SV2C: variants seen among roughly 807,000 people sequenced by gnomAD.
The protein encoded by SV2C is solute carrier family 22 member B3.
Under a neutral mutation model 79.7 loss-of-function variants are expected in SV2C, and 49 were observed. That is an observed-to-expected ratio of 0.61 (90% CI 0.49 to 0.78). The LOEUF (loss-of-function observed/expected upper bound fraction) is 0.78. Among genes scored for constraint, SV2C ranks in the 30% least tolerant of loss-of-function variants. SV2C has a pLI of 0.00. For missense variants in SV2C, 833 were observed against 912.9 expected, an observed-to-expected ratio of 0.91 and a Z score of 1.13; for synonymous variants, 334 against 333.2, an observed-to-expected ratio of 1.00 and a Z score of -0.03.
At chr5:76,142,635 T>A (rs1004552201) in intron 2 of SV2C, among the ~76,000 whole-genome samples, 1 of 152,228 alleles carries the variant, frequency 6.6e-6, no homozygotes, top group African/African-American at 2.4e-5. Context: ...CTCCAATTAA[T>A]GTCATTATTA....
chr5:76,150,639 T>C (rs1477629127), intron 2 of SV2C, among the ~76,000 whole-genome samples: 1 of 126,472 alleles, frequency 7.9e-6, no homozygotes, highest in East Asian at 2.3e-4. Flanking sequence ...TTTTTTTTTT[T>C]TTTTTTTTTT....
chr5:76,223,472 T>C lies in SV2C; in HGVS notation c.913+13585T>C, dbSNP rs1420064067. On this transcript the variant is annotated intron_variant, in intron 4 of 12. Transcript: ENST00000502798. Reference sequence around the variant, plus strand: ...ATATATATATATATATATATATATATATATATATATATATATATATATATG... The same window carrying C: ...ATATATATATATATATATATATATACATATATATATATATATATATATATG... 4.0e-4 allele frequency among the ~76,000 whole-genome samples: 29 copies of C among 71,852 alleles called. 1 individual carries two copies. The East Asian group carries it at 5.9e-3, about 15-fold the overall frequency. The allele number at this position is 71,852 out of a possible 152,430, so 47.1% of individuals were successfully genotyped here.
At chr5:75,911,310 G>A in the SV2C span, 1 of 1,385,440 alleles carries the variant, frequency 7.2e-7, no homozygotes, top group Non-Finnish European at 1.0e-6. Context: ...CTTCAGGGCA[G>A]CCTTCATCAT....
the SV2C span, among the ~76,000 whole-genome samples, chr5:76,041,972 C>G: frequency 6.6e-6 from 1 of 152,138 alleles, no homozygotes; most frequent in Non-Finnish European, 1.5e-5. Flanking sequence ...GCCTTCTCAC[C>G]CACAGCAGCT....
intron 1 of SV2C, among the ~76,000 whole-genome samples, chr5:76,096,576 C>T (rs1403297578): frequency 6.6e-6 from 1 of 152,046 alleles, no homozygotes; most frequent in African/African-American, 2.4e-5. Flanking sequence ...ATGTTTTCTG[C>T]GTGGAGGTGG....
the SV2C span, among the ~76,000 whole-genome samples, chr5:75,903,146 C>T: frequency 0.11 from 16,819 of 152,136 alleles, 990 homozygotes; most frequent in East Asian, 0.16. Context: ...ACTTGTCTCT[C>T]TTATTCCAGG....
At chr5:76,087,300 T>A (rs1341270467) in intron 1 of SV2C, among the ~76,000 whole-genome samples, 2 of 152,262 alleles carry the variant, frequency 1.3e-5, no homozygotes, top group Admixed American at 6.5e-5. Flanking sequence ...TCACCTAATG[T>A]GCGTTATGCT....
chr5:76,335,667 T>A (rs1328992967), downstream of SV2C, among the ~76,000 whole-genome samples: 1 of 152,110 alleles, frequency 6.6e-6, no homozygotes, highest in East Asian at 1.9e-4. Flanking sequence ...ACAAAGCACA[T>A]CTTGCACCAC....
the SV2C span, among the ~76,000 whole-genome samples, chr5:75,998,013 A>T: frequency 6.6e-6 from 1 of 152,100 alleles, no homozygotes; most frequent in Non-Finnish European, 1.5e-5. Flanking sequence ...ATGCAGCCAT[A>T]AAAAAGGATG....
the SV2C span, among the ~76,000 whole-genome samples, chr5:76,009,968 T>A: frequency 9.7e-3 from 1,456 of 150,380 alleles, 11 homozygotes; most frequent in Non-Finnish European, 0.017. Flanking sequence ...TCTCATGTCA[T>A]GTAAACTTTA....
chr5:75,975,450 T>C, the SV2C span, among the ~76,000 whole-genome samples: 1 of 152,182 alleles, frequency 6.6e-6, no homozygotes, highest in South Asian at 2.1e-4. Flanking sequence ...TTCCAATTCA[T>C]GTAGGAATTT....
At chr5:76,244,452 C>A (rs556032245) in intron 4 of SV2C, among the ~76,000 whole-genome samples, 55 of 152,224 alleles carry the variant, frequency 3.6e-4, no homozygotes, top group African/African-American at 1.3e-3. Flanking sequence ...TTCTAGTAAC[C>A]ACATCAAACA....
the SV2C span, chr5:75,921,644 T>A: frequency 2.5e-6 from 2 of 784,974 alleles, no homozygotes; most frequent in Non-Finnish European, 4.3e-6. Flanking sequence ...CCTGTCCCAC[T>A]GGCCAATGCG....
intron 2 of SV2C, among the ~76,000 whole-genome samples, chr5:76,134,771 TTATC>T (rs1328234285): frequency 1.3e-5 from 2 of 152,228 alleles, no homozygotes; most frequent in African/African-American, 4.8e-5. Flanking sequence ...AAATATTTAA[TTATC>T]TAATGATCTG....
the SV2C span, among the ~76,000 whole-genome samples, chr5:75,867,588 A>C: frequency 6.6e-6 from 1 of 152,206 alleles, no homozygotes; most frequent in East Asian, 1.9e-4. Context: ...ATAGAAATAA[A>C]GTTACATTTT....
the SV2C span, among the ~76,000 whole-genome samples, chr5:75,881,943 A>T: frequency 6.8e-6 from 1 of 148,004 alleles, no homozygotes; most frequent in Admixed American, 6.7e-5. Context: ...TTTGTCATAG[A>T]TAGCTCTTAT....
rs775403441 is a variant in SV2C, at chr5:76,183,206, G to A, written c.581-11713G>A. On this transcript the variant is annotated intron_variant, in intron 2 of 12. Transcript: ENST00000502798. ...ACCTGGCTAATTTTTTGTATTTTTC[G>A]TAGAGACAGGGTTTCACCATGTTGG... Among the ~76,000 whole-genome samples, 136 of 151,582 alleles carry A rather than the reference G, an allele frequency of 9.0e-4. 1 individual carries two copies. The highest frequency in any genetic ancestry group is 6.6e-4 in the Non-Finnish European group (45 of 67,896).
chr5:75,970,061 T>C, the SV2C span, among the ~76,000 whole-genome samples: 2 of 152,004 alleles, frequency 1.3e-5, no homozygotes, highest in Non-Finnish European at 2.9e-5. Context: ...AACAATCTGC[T>C]CCTGAATGAC....
At chr5:76,068,719 C>T in the SV2C span, among the ~76,000 whole-genome samples, 1 of 152,016 alleles carries the variant, frequency 6.6e-6, no homozygotes, top group Admixed American at 6.6e-5. Flanking sequence ...AGAGGTTTTA[C>T]CAAAAGCTAT....
Sources: allele counts gnomAD v4.1 joint callset (sites outside exome capture counted in the v4.1 genomes callset), GRCh38; gene constraint gnomAD v4.1.1; transcripts MANE v1.5; gene names NCBI Gene and HGNC (gene_info 2026-07-23, HGNC 2026-07-21).